The following KAT6B variants were observed in gnomAD, a reference collection of about 807,000 sequenced individuals.
KAT6B encodes histone acetyltransferase KAT6B.
KAT6B carries 10 observed loss-of-function variants against 187.5 expected under a neutral mutation model. The ratio of observed to expected loss-of-function variants is 0.05; its 90% CI spans 0.03 to 0.09. The LOEUF is 0.09. Ranked by LOEUF, KAT6B falls within the 10% of genes least tolerant of loss-of-function variation. The pLI, the probability that KAT6B is intolerant of heterozygous loss-of-function variation, is 1.00. For missense variants in KAT6B, 1,952 were observed against 2,558.9 expected (o/e 0.76, Z 5.12); for synonymous variants, 861 against 926.8 (o/e 0.93, Z 1.29).
chr10:75,029,969 A>C lies in KAT6B; in HGVS notation c.5145A>C (p.Thr1715=). Residue 1715 remains threonine, a synonymous_variant, in exon 18 of 18, where the codon ACA becomes ACC. Transcript: ENST00000287239. The surrounding 1 kb of genome is among the most constrained non-coding windows in gnomAD (Gnocchi z 6.2). ...GCAACCTCACCTCCAGCAGTCTGAC[A>C]CAGAGCAGCTGTGCTGTCACCCAGC... ...SYSNLTSSSL[T]QSSCAVTQQM... 6.2e-7 allele frequency: 1 copy of C among 1,614,230 alleles called. No individual in the cohort carries two copies. The highest frequency in any genetic ancestry group is 1.7e-5 in the Admixed American group (1 of 60,028).
At chr10:74,973,159 G>A (rs567286055) in intron 7 of KAT6B, among the ~76,000 whole-genome samples, 33 of 152,292 alleles carry the variant, frequency 2.2e-4, no homozygotes, top group Middle Eastern at 3.4e-3. Context: ...CCTCTGAAGA[G>A]TTAGACAGAA....
intron 7 of KAT6B, among the ~76,000 whole-genome samples, chr10:74,973,760 T>G (rs925446928): frequency 6.6e-6 from 1 of 152,204 alleles, no homozygotes; most frequent in Non-Finnish European, 1.5e-5. Context: ...GAGGCAAACA[T>G]GAAACATTTA....
chr10:74,965,113 A>C (rs181836075), intron 4 of KAT6B, among the ~76,000 whole-genome samples: 1 of 152,190 alleles, frequency 6.6e-6, no homozygotes, highest in African/African-American at 2.4e-5. Context: ...GCCCCCAAAA[A>C]CTTCTGGATT....
intron 3 of KAT6B, among the ~76,000 whole-genome samples, chr10:74,862,643 T>C (rs1260804378): frequency 6.6e-6 from 1 of 152,216 alleles, no homozygotes; most frequent in African/African-American, 2.4e-5. Context: ...CTCTGCTTCC[T>C]GCTAAAAGAG....
At chr10:74,850,161 A>G (rs957732220) in intron 3 of KAT6B, among the ~76,000 whole-genome samples, 1 of 152,070 alleles carries the variant, frequency 6.6e-6, no homozygotes, top group Non-Finnish European at 1.5e-5. Flanking sequence ...GATGGTCTCA[A>G]TCTCCTGACC....
intron 3 of KAT6B, among the ~76,000 whole-genome samples, chr10:74,892,010 A>C (rs1044269691): frequency 6.6e-6 from 1 of 152,210 alleles, no homozygotes. Flanking sequence ...AGGGGTGGAC[A>C]TGCTTCTTAG....
intron 13 of KAT6B, among the ~76,000 whole-genome samples, chr10:75,017,524 G>A (rs1845066070): frequency 6.6e-6 from 1 of 152,120 alleles, no homozygotes; most frequent in African/African-American, 2.4e-5. Flanking sequence ...TGAGGAAGGA[G>A]AATCGCTTGA....
At chr10:74,882,140 A>G (rs936910005) in intron 3 of KAT6B, among the ~76,000 whole-genome samples, 3 of 152,156 alleles carry the variant, frequency 2.0e-5, no homozygotes, top group Non-Finnish European at 4.4e-5. Context: ...AACTTCACTT[A>G]AGAGCTGAAA....
Position 75,028,856 on chromosome 10 carries a change from A to G in KAT6B, c.4032A>G (p.Glu1344=). Residue 1344 remains glutamate, a synonymous_variant, in exon 18 of 18, where the codon GAA becomes GAG. Coordinates refer to ENST00000287239, the MANE Select transcript of KAT6B (RefSeq NM_012330.4). ...ACACATCACCAGGTGAAAAACCAGA[A>G]GATGATCTCATCAAACCTGAGGAAG... ...SPNTSPGEKP[E]DDLIKPEEEE... The G allele has an allele frequency of 6.2e-7, 1 of 1,614,132 alleles. No homozygotes were observed. Among genetic ancestry groups the G allele is most frequent in the Non-Finnish European group, 8.5e-7 (1 of 1,180,024 alleles).
chr10:74,881,893 G>A (rs1844875377), intron 3 of KAT6B, among the ~76,000 whole-genome samples: 1 of 152,172 alleles, frequency 6.6e-6, no homozygotes, highest in African/African-American at 2.4e-5. Context: ...TGGCCTCAAA[G>A]CGATCCTCCT....
intron 6 of KAT6B, 85 bp from the exon 7 acceptor site, chr10:74,972,422 A>G: frequency 2.0e-6 from 2 of 1,002,516 alleles, no homozygotes; most frequent in Non-Finnish European, 3.0e-6. Flanking sequence ...ATCCTTGAGC[A>G]GCTTATTACA....
intron 3 of KAT6B, among the ~76,000 whole-genome samples, chr10:74,848,937 G>T (rs1000731555): frequency 6.6e-6 from 1 of 152,168 alleles, no homozygotes; most frequent in Non-Finnish European, 1.5e-5. Flanking sequence ...TATGATATAA[G>T]TGAAAACAGT....
intron 9 of KAT6B, 24 bp downstream of exon 9, chr10:74,977,461 A>C (rs760989272): frequency 6.2e-7 from 1 of 1,612,952 alleles, no homozygotes. Flanking sequence ...CCCACATTGT[A>C]GTAGCAAGTA....
At chr10:75,000,849 C>T (rs939737516) in intron 13 of KAT6B, among the ~76,000 whole-genome samples, 1 of 152,070 alleles carries the variant, frequency 6.6e-6, no homozygotes, top group African/African-American at 2.4e-5. Context: ...TTTGCTGGCT[C>T]TTCATATGTT....
At chr10:74,877,125 C>A (rs1844475308) in intron 3 of KAT6B, among the ~76,000 whole-genome samples, 1 of 151,912 alleles carries the variant, frequency 6.6e-6, no homozygotes, top group South Asian at 2.1e-4. Context: ...GCCACCACGC[C>A]TGGCTAATTT....
intron 14 of KAT6B, 50 bp downstream of exon 14, chr10:75,020,863 G>A: frequency 6.8e-7 from 1 of 1,479,646 alleles, no homozygotes; most frequent in Non-Finnish European, 9.4e-7. Flanking sequence ...TCCCACACCA[G>A]AAAGGGTCCC....
chr10:75,029,453 G>C lies in KAT6B; in HGVS notation c.4629G>C (p.Gln1543His), dbSNP rs375290304. The C allele has an allele frequency of 6.2e-7, 1 of 1,614,026 alleles. No homozygotes were observed. Among genetic ancestry groups the C allele is most frequent in the Non-Finnish European group, 8.5e-7 (1 of 1,180,040 alleles). ...ATMEIDSETVQAVQSLTQESS... is the reference protein window; with the variant it reads ...ATMEIDSETVHAVQSLTQESS... ...TGGAAATCGACTCTGAGACTGTCCA[G>C]GCCGTTCAGTCTTTGACCCAGGAGA... The change falls in exon 18 of 18, where the codon CAG (glutamine) becomes CAC (histidine). Residue 1543 changes from glutamine to histidine, a missense_variant. Around this residue, in one of 9 missense-constraint regions of KAT6B, gnomAD observed 758 missense variants for 891.4 expected, o/e 0.85. Coordinates refer to ENST00000287239, the MANE Select transcript of KAT6B (RefSeq NM_012330.4). This position sits in a 1 kb window ranked among gnomAD's most constrained non-coding sequence, Gnocchi z 6.2.
intron 1 of KAT6B, among the ~76,000 whole-genome samples, chr10:74,834,399 T>C (rs1286205673): frequency 3.3e-5 from 5 of 152,186 alleles, no homozygotes; most frequent in African/African-American, 9.7e-5. Context: ...AGTTTCACCA[T>C]GTTGGCCAGG....
chr10:74,846,614 A>G (rs1842120253), intron 3 of KAT6B, among the ~76,000 whole-genome samples: 1 of 151,866 alleles, frequency 6.6e-6, no homozygotes, highest in Admixed American at 6.6e-5. Flanking sequence ...AATTTTTTGT[A>G]TTTTAGTAGA....
Sources: allele counts gnomAD v4.1 joint callset (sites outside exome capture counted in the v4.1 genomes callset), GRCh38; gene constraint gnomAD v4.1.1; regional missense constraint gnomAD v4.1.1; non-coding constraint Gnocchi (gnomAD v3.1); transcripts MANE v1.5; gene names NCBI Gene and HGNC (gene_info 2026-07-23, HGNC 2026-07-21).